The following TTLL4 variants were observed in gnomAD, a reference collection of about 807,000 sequenced individuals.
TTLL4 encodes the protein tubulin tyrosine ligase like 4.
In TTLL4, 85 loss-of-function variants were observed where a neutral mutation model predicts 122.7. The observed-to-expected ratio is 0.69, with a 90% CI of 0.58 to 0.83. The LOEUF is 0.83. Among genes scored for constraint, TTLL4 ranks in the 40% least tolerant of loss-of-function variants. The pLI is 0.00. For missense variants in TTLL4, 1,363 were observed against 1,488.6 expected, an observed-to-expected ratio of 0.92 and a Z score of 1.39; for synonymous variants, 553 against 563.0, an observed-to-expected ratio of 0.98 and a Z score of 0.25.
In TTLL4 at chr2:218,736,068, A is replaced by G. The variant is rs150800857; in HGVS notation, c.-98-1511A>G. Among the ~76,000 whole-genome samples the G allele has an allele frequency of 3.3e-3, 462 of 141,966 alleles. 1 individual carries two copies. Among genetic ancestry groups the G allele is most frequent in the African/African-American group, 0.012 (441 of 37,266 alleles). 93.1% of individuals were successfully genotyped at this position (141,966 alleles called of 152,430 possible). A position where few individuals can be genotyped will look rare whatever the true frequency, so the allele number is the denominator to read the frequency against. On this transcript the variant is annotated intron_variant, in intron 2 of 19. Transcript: ENST00000392102. Reference sequence around the variant, plus strand: ...TGGTTTGCTGCAACTTCCACCTTCCATGCTCAAGCGTTTTTCATACCTCAG... The same window carrying G: ...TGGTTTGCTGCAACTTCCACCTTCCGTGCTCAAGCGTTTTTCATACCTCAG...
chr2:218,735,919 T>C (rs977637479), intron 2 of TTLL4, among the ~76,000 whole-genome samples: 3 of 150,700 alleles, frequency 2.0e-5, no homozygotes, highest in Non-Finnish European at 4.4e-5. Flanking sequence ...TCCACCTGCC[T>C]TGGCCTCCCA....
chr2:218,746,776 GTGAATATCACATCTGGC>G (rs1361981476), intron 8 of TTLL4: 1 of 560,244 alleles, frequency 1.8e-6, no homozygotes, highest in Non-Finnish European at 3.1e-6. Context: ...TGCACTTAAG[GTGAATATCACATCTGGC>G]TTACATTACT....
chr2:218,726,499 T>G (rs1479855390), intron 1 of TTLL4, among the ~76,000 whole-genome samples: 1 of 152,228 alleles, frequency 6.6e-6, no homozygotes, highest in Admixed American at 6.5e-5. Flanking sequence ...AGTCTCAGTC[T>G]GTCAGGCCCA....
intron 1 of TTLL4, among the ~76,000 whole-genome samples, chr2:218,725,562 C>CT (rs913826483): frequency 6.0e-4 from 89 of 148,390 alleles, no homozygotes; most frequent in South Asian, 1.1e-3. Context: ...TTTATATTGC[C>CT]TTTTTTTTTT....
At chr2:218,720,200 G>A (rs1315946148) in intron 1 of TTLL4, among the ~76,000 whole-genome samples, 1 of 152,086 alleles carries the variant, frequency 6.6e-6, no homozygotes, top group African/African-American at 2.4e-5. Context: ...AACTTGAGAC[G>A]ACAAATCTGC....
intron 14 of TTLL4, among the ~76,000 whole-genome samples, chr2:218,749,677 C>T (rs1226069826): frequency 1.3e-5 from 2 of 152,244 alleles, no homozygotes; most frequent in East Asian, 3.9e-4. Context: ...CTGTATTAGC[C>T]AGGACGGTCT....
chr2:218,712,993 T>C (rs1256637938), intron 1 of TTLL4, among the ~76,000 whole-genome samples: 2 of 152,210 alleles, frequency 1.3e-5, no homozygotes, highest in African/African-American at 4.8e-5. Flanking sequence ...TTTGGGACAA[T>C]GGAATTTTTA....
chr2:218,723,329 G>A (rs113943837), intron 1 of TTLL4, among the ~76,000 whole-genome samples: 48 of 152,294 alleles, frequency 3.2e-4, no homozygotes, highest in African/African-American at 1.1e-3. Flanking sequence ...GCACAACAAG[G>A]ACTTGTGTTT....
At chr2:218,733,917 G>C (rs1942446970) in intron 2 of TTLL4, among the ~76,000 whole-genome samples, 1 of 152,228 alleles carries the variant, frequency 6.6e-6, no homozygotes, top group African/African-American at 2.4e-5. Context: ...ACAAGGGAGA[G>C]TGGGATTGGC....
intron 1 of TTLL4, among the ~76,000 whole-genome samples, chr2:218,717,857 GGC>G (rs1405430215): frequency 2.6e-5 from 4 of 151,636 alleles, no homozygotes; most frequent in Non-Finnish European, 5.9e-5. Flanking sequence ...GGAGTGCAGT[GGC>G]ACAGTCTCGG....
In TTLL4 at chr2:218,715,947, G is replaced by A. The variant is rs552237246; in HGVS notation, c.-178+4910G>A. Among the ~76,000 whole-genome samples the A allele has an allele frequency of 9.7e-4, 148 of 152,212 alleles. 1 individual carries two copies. In the South Asian group the frequency reaches 0.029, roughly 30 times the overall value. On this transcript the variant is annotated intron_variant, in intron 1 of 19. Transcript: ENST00000392102. ...ACCCGGCCTGGAATGATAATCTTAT[G>A]GGACATTGTCTTCTATGGGGACTAT...
rs1943070080 is a variant in TTLL4, at chr2:218,753,181, C to T, written c.3254C>T (p.Pro1085Leu). 4 of 1,614,040 alleles carry T rather than the reference C, an allele frequency of 2.5e-6. No individual in the cohort carries two copies. Among genetic ancestry groups the T allele is most frequent in the Non-Finnish European group, 3.4e-6 (4 of 1,180,026 alleles). The change falls in exon 18 of 20, where the codon CCA becomes CTA. Residue 1085 changes from proline (P) to leucine (L), a missense_variant. Transcript: ENST00000392102. Reference protein sequence around the residue: ...FHMGVVSDSAPVWSLPTSLLT... With the variant: ...FHMGVVSDSALVWSLPTSLLT... Reference sequence around the variant, plus strand: ...ATGGGAGTTGTCTCTGATTCTGCTCCAGTGGTGAGTGCTGCCAGTGTGGAG... The same window carrying T: ...ATGGGAGTTGTCTCTGATTCTGCTCTAGTGGTGAGTGCTGCCAGTGTGGAG...
rs67473408 is a variant in TTLL4 at position 218,751,909 on chromosome 2, TC to T, written c.2976+104del. 7.2e-3 allele frequency: 4,472 copies of T among 624,876 alleles called. 57 individuals are homozygous for T. The highest frequency in any genetic ancestry group is 9.4e-3 in the South Asian group (369 of 39,256). 38.7% of individuals were successfully genotyped at this position (624,876 alleles called of 1,614,324 possible). On this transcript the variant is annotated intron_variant, in intron 16 of 19. Coordinates refer to ENST00000392102, the MANE Select transcript of TTLL4 (RefSeq NM_014640.5). ...TTTCTTTTTTTTTTTCTTTTCTTTT[TC>T]TTTTTTTTTTTTTTGAGATAGAGTT...
rs375899110 is a variant in TTLL4, at chr2:218,745,179, A to G, written c.1732A>G (p.Ser578Gly). The G allele has an allele frequency of 4.3e-6, 7 of 1,614,094 alleles. No individual in the cohort carries two copies. The highest frequency in any genetic ancestry group is 4.2e-6 in the Non-Finnish European group (5 of 1,179,986). ...EKVVRPALIY[S>G]LFPNVPPTIY... The stretch of plus-strand genomic sequence containing the variant: ...AGTTGTCCGACCAGCCCTCATCTAC[A>G]GTCTCTTTCCCAACGTTCCCCCTAC... The change falls in exon 6 of 20, where the codon AGT (serine) becomes GGT (glycine). Residue 578 changes from serine (S) to glycine (G), a missense_variant. Physicochemically the swap from Ser to Gly is moderately conservative, Grantham distance 56 (BLOSUM62 0). Coordinates refer to ENST00000392102, the MANE Select transcript of TTLL4 (RefSeq NM_014640.5).
intron 2 of TTLL4, among the ~76,000 whole-genome samples, chr2:218,737,258 CAGAA>C (rs1213489079): frequency 6.6e-6 from 1 of 152,134 alleles, no homozygotes; most frequent in Non-Finnish European, 1.5e-5. Context: ...GGCGGTGAGA[CAGAA>C]AGATGTATTT....
At position 218,747,579 on chromosome 2, in the gene TTLL4, G is replaced by A; in HGVS notation, c.2250-18G>A. The A allele has an allele frequency of 6.2e-7, 1 of 1,612,912 alleles. No homozygotes were observed. On this transcript the variant is annotated intron_variant, in intron 10 of 19. Coordinates refer to ENST00000392102, the MANE Select transcript of TTLL4 (RefSeq NM_014640.5). This position sits in a 1 kb window ranked among gnomAD's most constrained non-coding sequence, Gnocchi z 4.7. ...CCATCATCTGGCTGTATGAGAAGCT[G>A]GCCTTTGTCCTATGTAGGTATCTAC...
intron 1 of TTLL4, among the ~76,000 whole-genome samples, chr2:218,725,802 C>T (rs560374295): frequency 3.9e-4 from 60 of 151,918 alleles, no homozygotes; most frequent in Non-Finnish European, 6.2e-4. Flanking sequence ...GTGGTCTGCC[C>T]GCCTCAGCCT....
rs765087705 is a variant in TTLL4 at position 218,738,679 on chromosome 2, C to T, written c.1003C>T (p.Arg335Trp). 4.5e-5 allele frequency: 73 copies of T among 1,614,172 alleles called. No individual in the cohort carries two copies. The highest frequency in any genetic ancestry group is 2.5e-4 in the East Asian group (11 of 44,882). ...SDSQDPTKEI[R>W]FTEAVRKLTA... ...TTCCCAGGATCCAACTAAGGAGATT[C>T]GGTTCACTGAGGCCGTGAGGAAATT... The change falls in exon 3 of 20, where the codon CGG becomes TGG. Residue 335 changes from arginine (R) to tryptophan (W), a missense_variant. By Grantham distance (101) the Arg-to-Trp change is moderately radical (BLOSUM62 -3). This residue lies in a region of TTLL4 where 760 missense variants were observed against 808.4 expected (regional missense o/e 0.94). Transcript: ENST00000392102.
chr2:218,750,298 C>A, intron 15 of TTLL4, 152 bp downstream of exon 15: 1 of 1,071,306 alleles, frequency 9.3e-7, no homozygotes, highest in Non-Finnish European at 1.3e-6. Flanking sequence ...TACCATGCCA[C>A]ATCAGTGACT....
Sources: gnomAD v4.1 joint callset for allele counts (sites outside exome capture counted in the v4.1 genomes callset) on GRCh38, gnomAD v4.1.1 for gene constraint, gnomAD v4.1.1 regional missense constraint, Gnocchi (gnomAD v3.1) non-coding constraint, MANE v1.5 for transcripts, NCBI Gene and HGNC (gene_info 2026-07-23, HGNC 2026-07-21) for gene names.